Variants in DOCK10 observed in about 807,000 individuals in gnomAD.
DOCK10 encodes dedicator of cytokinesis protein 10.
In DOCK10, 145 loss-of-function variants were observed where a neutral mutation model predicts 280.1. The ratio of observed to expected loss-of-function variants is 0.52; its 90% CI spans 0.45 to 0.59. The LOEUF (loss-of-function observed/expected upper bound fraction) is 0.59. DOCK10 is among the 20% of genes least tolerant of loss of function. The pLI is 0.00. For missense variants in DOCK10, 2,368 were observed against 2,651.7 expected (o/e 0.89, Z 2.35); for synonymous variants, 915 against 942.2 (o/e 0.97, Z 0.53).
At chr2:224,882,705 C>T (rs573941836) in intron 7 of DOCK10, among the ~76,000 whole-genome samples, 6 of 152,238 alleles carry the variant, frequency 3.9e-5, no homozygotes, top group Admixed American at 1.3e-4. Context: ...TTTGATTCAA[C>T]GGAACCTGGC....
At chr2:224,884,912 G>A (rs1175307189) in intron 7 of DOCK10, among the ~76,000 whole-genome samples, 1 of 152,154 alleles carries the variant, frequency 6.6e-6, no homozygotes, top group African/African-American at 2.4e-5. Context: ...GCAAACATGG[G>A]TGCTAATTAT....
intron 1 of DOCK10, among the ~76,000 whole-genome samples, chr2:225,040,109 A>C (rs1359514970): frequency 1.3e-5 from 2 of 152,180 alleles, no homozygotes; most frequent in African/African-American, 4.8e-5. Flanking sequence ...AATGTACGCT[A>C]AGATTAGTCT....
intron 1 of DOCK10, among the ~76,000 whole-genome samples, chr2:224,998,393 G>T (rs1216926432): frequency 6.6e-6 from 1 of 152,064 alleles, no homozygotes; most frequent in Non-Finnish European, 1.5e-5. Flanking sequence ...GGTATTATTT[G>T]TATTCTTCTT....
intron 1 of DOCK10, among the ~76,000 whole-genome samples, chr2:224,968,135 T>C (rs1704881198): frequency 6.6e-6 from 1 of 152,206 alleles, no homozygotes; most frequent in Admixed American, 6.5e-5. Flanking sequence ...GCCATGATTA[T>C]GATCGTAAAA....
At chr2:224,855,064 G>GACACACACACACACACACACAA (rs145044043) in intron 15 of DOCK10, 22 bp from the exon 16 acceptor site, 5 of 575,472 alleles carry the variant, frequency 8.7e-6, no homozygotes, top group Non-Finnish European at 1.5e-5. Flanking sequence ...CATGAGCAAG[G>GACACACACACACACACACACAA]ACACACACAC....
chr2:224,993,276 T>A (rs142778300), intron 1 of DOCK10, among the ~76,000 whole-genome samples: 80 of 152,090 alleles, frequency 5.3e-4, no homozygotes, highest in African/African-American at 1.8e-3. Context: ...TGGCAAATGA[T>A]CTTCTGTTCT....
intron 1 of DOCK10, among the ~76,000 whole-genome samples, chr2:225,000,891 G>A (rs1430540832): frequency 2.6e-5 from 4 of 152,178 alleles, no homozygotes; most frequent in African/African-American, 7.2e-5. Context: ...CAGGAGGATC[G>A]CTTGAACTGA....
At chr2:224,907,899 A>G (rs1700755433) in intron 3 of DOCK10, among the ~76,000 whole-genome samples, 1 of 152,226 alleles carries the variant, frequency 6.6e-6, no homozygotes, top group African/African-American at 2.4e-5. Context: ...CATTTACATT[A>G]GCATTTCTCA....
intron 2 of DOCK10, among the ~76,000 whole-genome samples, chr2:224,924,033 C>T (rs1335299197): frequency 6.6e-6 from 1 of 152,136 alleles, no homozygotes. Context: ...ATAAGTTTTG[C>T]CATGTTCCTT....
chr2:224,999,933 T>A (rs13421712), intron 1 of DOCK10, among the ~76,000 whole-genome samples: 5,365 of 152,258 alleles, frequency 0.035, 247 homozygotes, highest in African/African-American at 0.097. Flanking sequence ...TTATGTGTGG[T>A]GCAACAGGAT....
intron 1 of DOCK10, among the ~76,000 whole-genome samples, chr2:225,012,515 T>G (rs1689472270): frequency 6.6e-6 from 1 of 152,234 alleles, no homozygotes; most frequent in African/African-American, 2.4e-5. Flanking sequence ...TTTAATATAC[T>G]TGTATAGTGC....
At chr2:224,892,242 CAA>C (rs1390682769) in intron 4 of DOCK10, among the ~76,000 whole-genome samples, 1 of 150,756 alleles carries the variant, frequency 6.6e-6, no homozygotes, top group Non-Finnish European at 1.5e-5. Flanking sequence ...ACTAAAAACA[CAA>C]AAAAATTAGC....
chr2:224,842,002 G>A (rs1163726770), intron 22 of DOCK10, 106 bp from the exon 23 acceptor site: 1 of 794,740 alleles, frequency 1.3e-6, no homozygotes. Flanking sequence ...TTGATGCCTC[G>A]AAGTGCAAAT....
chr2:224,956,625 G>GAAAAAAAAAAAA (rs3083983), intron 1 of DOCK10, among the ~76,000 whole-genome samples: 2 of 78,658 alleles, frequency 2.5e-5, no homozygotes, highest in Non-Finnish European at 4.6e-5. Flanking sequence ...CGCTACCTCA[G>GAAAAAAAAAAAA]AAAAAAAAAA....
rs1695793671 is a variant in DOCK10 at position 224,839,236 on chromosome 2, G to A, written c.2780+718C>T. The stretch of plus-strand genomic sequence containing the variant: ...TGGGACTACAGGCACCCACCACCAC[G>A]CCCGGCTAATTTTTTGTAATTTTTT... On this transcript the variant is annotated intron_variant, in intron 24 of 55. Coordinates refer to ENST00000258390, the MANE Select transcript of DOCK10 (RefSeq NM_014689.3). Among the ~76,000 whole-genome samples, 5 of 149,766 alleles carry A rather than the reference G, an allele frequency of 3.3e-5. No individual in the cohort carries two copies. The South Asian group carries it at 1.1e-3, about 32-fold the overall frequency.
chr2:224,985,093 T>C (rs895222320), intron 1 of DOCK10, among the ~76,000 whole-genome samples: 1 of 152,180 alleles, frequency 6.6e-6, no homozygotes, highest in Non-Finnish European at 1.5e-5. Context: ...ATTAATAAGA[T>C]GAATCATTAA....
Position 224,916,678 on chromosome 2 carries a change from G to A in DOCK10, c.333+17C>T. On this transcript the variant is annotated intron_variant, in intron 3 of 55. Transcript: ENST00000258390. ...AGCAAAAGCCTTAAAATAAAGCATT[G>A]GAAGCATCACATTTACCTCCTTAAC... 3 of 1,577,748 alleles carry A rather than the reference G, an allele frequency of 1.9e-6. No homozygotes were observed. The highest frequency in any genetic ancestry group is 2.6e-6 in the Non-Finnish European group (3 of 1,153,964).
chr2:224,898,968 A>G (rs930345853), intron 3 of DOCK10, among the ~76,000 whole-genome samples: 1 of 152,228 alleles, frequency 6.6e-6, no homozygotes, highest in African/African-American at 2.4e-5. Flanking sequence ...ATACAGGTCA[A>G]CAGTATCCAA....
intron 30 of DOCK10, among the ~76,000 whole-genome samples, chr2:224,814,675 C>T (rs1272023452): frequency 2.0e-5 from 3 of 152,170 alleles, no homozygotes; most frequent in South Asian, 2.1e-4. Flanking sequence ...GTGCCCGCCA[C>T]TGCACCTGGC....
Sources: allele counts gnomAD v4.1 joint callset (sites outside exome capture counted in the v4.1 genomes callset), GRCh38; gene constraint gnomAD v4.1.1; transcripts MANE v1.5; gene names NCBI Gene and HGNC (gene_info 2026-07-23, HGNC 2026-07-21).